Variants in MELK observed in about 807,000 individuals in gnomAD.
MELK encodes the protein maternal embryonic leucine zipper kinase.
In MELK, 81 loss-of-function variants were observed where a neutral mutation model predicts 85.0. That is an observed-to-expected ratio of 0.95 (90% CI 0.80 to 1.15). The LOEUF is 1.15. Ranked by LOEUF, MELK falls within the 50% of genes most tolerant of loss-of-function variation. The pLI is 0.00. For synonymous variants in MELK, 252 were observed against 265.0 expected (o/e 0.95, Z 0.48); for missense variants, 754 against 777.5 (o/e 0.97, Z 0.36).
intron 9 of MELK, 132 bp downstream of exon 9, chr9:36,630,499 T>A: frequency 1.5e-6 from 1 of 668,400 alleles, no homozygotes; most frequent in Non-Finnish European, 2.6e-6. Flanking sequence ...AAATATCCTC[T>A]ATTAGATCCT....
At chr9:36,668,631 G>C (rs769422564) in intron 14 of MELK, among the ~76,000 whole-genome samples, 1 of 152,026 alleles carries the variant, frequency 6.6e-6, no homozygotes, top group Non-Finnish European at 1.5e-5. Context: ...TTCTGCCTCA[G>C]CCTCCCAAGT....
chr9:36,621,429 A>G (rs1827438719), intron 8 of MELK, among the ~76,000 whole-genome samples: 2 of 152,098 alleles, frequency 1.3e-5, no homozygotes, highest in Middle Eastern at 3.4e-3. Context: ...AAGATAAGTA[A>G]CTGTTATTTT....
At chr9:36,669,692 C>T (rs1832722865) in intron 15 of MELK, among the ~76,000 whole-genome samples, 1 of 152,110 alleles carries the variant, frequency 6.6e-6, no homozygotes, top group Admixed American at 6.5e-5. Context: ...TCTCTGAGGC[C>T]CATCTTACCC....
At chr9:36,614,425 GTTTTTT>G (rs58332948) in intron 8 of MELK, among the ~76,000 whole-genome samples, 11 of 118,994 alleles carry the variant, frequency 9.2e-5, no homozygotes, top group African/African-American at 3.3e-4. Flanking sequence ...TTATTTTTGG[GTTTTTT>G]TTTTTTTTTT....
intron 13 of MELK, among the ~76,000 whole-genome samples, chr9:36,659,123 C>T (rs996910942): frequency 9.2e-5 from 14 of 152,130 alleles, no homozygotes; most frequent in African/African-American, 9.6e-5. Flanking sequence ...CCTTGTGATC[C>T]GCCCGCCTCG....
At chr9:36,592,603 C>T (rs916443882) in intron 4 of MELK, among the ~76,000 whole-genome samples, 3 of 152,104 alleles carry the variant, frequency 2.0e-5, no homozygotes, top group African/African-American at 7.2e-5. Flanking sequence ...CATGGTGTGA[C>T]ACAAATGGTC....
At chr9:36,669,827 A>G (rs951991657) in intron 15 of MELK, among the ~76,000 whole-genome samples, 13 of 152,128 alleles carry the variant, frequency 8.5e-5, no homozygotes, top group African/African-American at 3.1e-4. Context: ...TAACTCTTCA[A>G]GTTGCTATTC....
intron 8 of MELK, among the ~76,000 whole-genome samples, chr9:36,624,739 G>T (rs935132130): frequency 6.6e-6 from 1 of 152,160 alleles, no homozygotes; most frequent in Non-Finnish European, 1.5e-5. Context: ...GGTTTCTGTG[G>T]AGTACTCCTA....
intron 17 of MELK, 74 bp downstream of exon 17, chr9:36,675,011 C>A: frequency 9.1e-7 from 1 of 1,099,968 alleles, no homozygotes; most frequent in Non-Finnish European, 1.4e-6. Context: ...GTTGGTTGGG[C>A]GCGGTGGCTC....
At chr9:36,615,557 A>G (rs1226660526) in intron 8 of MELK, among the ~76,000 whole-genome samples, 13 of 136,118 alleles carry the variant, frequency 9.6e-5, no homozygotes, top group Non-Finnish European at 2.0e-4. Flanking sequence ...CACTTCCCAG[A>G]TGGGGTGGCT....
chr9:36,658,205 T>G (rs1831442714), intron 13 of MELK, among the ~76,000 whole-genome samples: 1 of 152,186 alleles, frequency 6.6e-6, no homozygotes, highest in South Asian at 2.1e-4. Flanking sequence ...TTATCAAATT[T>G]GGGAAGTTTT....
Position 36,633,157 on chromosome 9 carries a change from T to C in MELK, c.791T>C (p.Met264Thr), listed in dbSNP as rs776178978. 67 of 1,610,348 alleles carry C rather than the reference T, an allele frequency of 4.2e-5. No homozygotes were observed. The highest frequency in any genetic ancestry group is 5.4e-5 in the Non-Finnish European group (64 of 1,179,340). The change falls in exon 10 of 18, where the codon ATG becomes ACG. Residue 264 changes from methionine (M) to threonine (T), a missense_variant. Transcript: ENST00000298048. ...AATCTATTGAACCATCCCTGGATCATGCAAGATTACAACTATCCTGTTGAG... is the reference window on the plus strand; with the variant it reads ...AATCTATTGAACCATCCCTGGATCACGCAAGATTACAACTATCCTGTTGAG... The part of the protein sequence containing the change: ...MKNLLNHPWI[M>T]QDYNYPVEWQ...
intron 13 of MELK, among the ~76,000 whole-genome samples, chr9:36,665,023 G>C (rs1313402364): frequency 2.0e-5 from 3 of 151,998 alleles, no homozygotes; most frequent in Non-Finnish European, 4.4e-5. Context: ...TTTGGTACAT[G>C]TCAGAGGCAA....
intron 8 of MELK, among the ~76,000 whole-genome samples, chr9:36,614,292 CGCCATGTTG>C (rs1267856766): frequency 2.0e-5 from 3 of 151,774 alleles, no homozygotes; most frequent in East Asian, 1.9e-4. Context: ...GATGGGGTTT[CGCCATGTTG>C]GCCATGTTGG....
intron 7 of MELK, among the ~76,000 whole-genome samples, chr9:36,603,487 A>G (rs1049215958): frequency 6.6e-6 from 1 of 151,400 alleles, no homozygotes; most frequent in East Asian, 1.9e-4. Context: ...GCTGAAGTGC[A>G]GTGGCATGAC....
chr9:36,612,316 G>T (rs886961576), intron 8 of MELK, among the ~76,000 whole-genome samples: 3 of 152,068 alleles, frequency 2.0e-5, no homozygotes, highest in Non-Finnish European at 4.4e-5. Context: ...AGCTGGTCTC[G>T]AACTCCTGAC....
At chr9:36,581,770 A>T in intron 2 of MELK, 31 bp downstream of exon 2, 1 of 1,515,896 alleles carries the variant, frequency 6.6e-7, no homozygotes, top group Non-Finnish European at 9.1e-7. Flanking sequence ...GAGGCAGTGG[A>T]TAGATCAACT....
chr9:36,615,996 A>C (rs928256023), intron 8 of MELK, among the ~76,000 whole-genome samples: 1 of 151,862 alleles, frequency 6.6e-6, no homozygotes, highest in Non-Finnish European at 1.5e-5. Flanking sequence ...TGGGAGGCCA[A>C]GGCAGGCGGC....
intron 12 of MELK, among the ~76,000 whole-genome samples, chr9:36,654,595 A>T (rs369551119): frequency 6.6e-6 from 1 of 151,750 alleles, no homozygotes; most frequent in Non-Finnish European, 1.5e-5. Context: ...ACCTCAGATG[A>T]TCCACCTGCC....
Sources: allele counts gnomAD v4.1 joint callset (sites outside exome capture counted in the v4.1 genomes callset), GRCh38; gene constraint gnomAD v4.1.1; transcripts MANE v1.5; gene names NCBI Gene and HGNC (gene_info 2026-07-23, HGNC 2026-07-21).